CFAP299: variants seen among roughly 807,000 people sequenced by gnomAD.
The protein encoded by CFAP299 is cilia and flagella associated protein 299.
In CFAP299, 21 loss-of-function variants were observed where a neutral mutation model predicts 27.0. The ratio of observed to expected loss-of-function variants is 0.78; its 90% CI spans 0.55 to 1.12. The LOEUF is 1.12. CFAP299 is among the 50% of genes most tolerant of loss of function. The pLI, the probability that CFAP299 is intolerant of heterozygous loss-of-function variation, is 0.00. For missense variants in CFAP299, 310 were observed against 276.6 expected (o/e 1.12, Z -0.86); for synonymous variants, 104 against 98.1 (o/e 1.06, Z -0.36).
intron 3 of CFAP299, among the ~76,000 whole-genome samples, chr4:80,727,652 A>C (rs951176719): frequency 6.6e-6 from 1 of 152,074 alleles, no homozygotes; most frequent in Admixed American, 6.6e-5. Flanking sequence ...AGCATAAAAT[A>C]CTGTCATTTA....
chr4:80,584,299 C>T (rs1736322181), intron 3 of CFAP299, among the ~76,000 whole-genome samples: 1 of 151,888 alleles, frequency 6.6e-6, no homozygotes, highest in Admixed American at 6.6e-5. Context: ...AAGACTAGGA[C>T]ATAATTTAAT....
chr4:80,379,054 G>A lies in CFAP299; in HGVS notation c.242+16170G>A, dbSNP rs1423511973. Among the ~76,000 whole-genome samples, 4 of 152,152 alleles carry A rather than the reference G, an allele frequency of 2.6e-5. No homozygotes were observed. The East Asian group carries it at 7.7e-4, about 29-fold the overall frequency. ...TAATTGATTGGTAGAGTTCACCAGT[G>A]AAGCCTTCTACCACTGGAGTTTTCT... is the stretch of plus-strand genomic sequence containing the variant. On this transcript the variant is annotated intron_variant, in intron 2 of 5. Transcript: ENST00000358105.
chr4:80,622,628 G>A (rs1038528), intron 3 of CFAP299, among the ~76,000 whole-genome samples: 142,666 of 152,262 alleles, frequency 0.94, 66,885 homozygotes, highest in East Asian at 1. Flanking sequence ...TAGCAAAATG[G>A]GTTTATATTT....
In CFAP299 at chr4:80,422,195, T is replaced by C. The variant is rs567239109; in HGVS notation, c.242+59311T>C. Among the ~76,000 whole-genome samples, 342 of 152,284 alleles carry C rather than the reference T, an allele frequency of 2.2e-3. 4 individuals carry two copies. Among genetic ancestry groups the C allele is most frequent in the African/African-American group, 8.0e-3 (333 of 41,550 alleles). On this transcript the variant is annotated intron_variant, in intron 2 of 5. Coordinates refer to ENST00000358105, the MANE Select transcript of CFAP299 (RefSeq NM_152770.3). ...ATTCCACTAAGTCTCTACTTACAAC[T>C]ATACACCATAGTTCAGCTATTCACC... is the stretch of plus-strand genomic sequence containing the variant.
At chr4:80,504,460 C>CATATAT (rs1731895806) in intron 2 of CFAP299, among the ~76,000 whole-genome samples, 3 of 44,316 alleles carry the variant, frequency 6.8e-5, no homozygotes, top group African/African-American at 7.2e-5. Flanking sequence ...CTTAAAATCT[C>CATATAT]ACATATATAT....
At chr4:80,661,325 CAAA>C (rs760056982) in intron 3 of CFAP299, among the ~76,000 whole-genome samples, 3 of 62,950 alleles carry the variant, frequency 4.8e-5, no homozygotes. Context: ...AACTCCATCT[CAAA>C]AAAAAAAAAA....
intron 4 of CFAP299, among the ~76,000 whole-genome samples, chr4:80,902,584 T>TACACACACACAC (rs1273685186): frequency 6.4e-5 from 3 of 47,108 alleles, no homozygotes; most frequent in African/African-American, 1.6e-4. Context: ...ATATGTAATA[T>TACACACACACAC]ATACACACAC....
At chr4:80,798,238 T>C (rs1277166876) in intron 3 of CFAP299, among the ~76,000 whole-genome samples, 2 of 152,044 alleles carry the variant, frequency 1.3e-5, no homozygotes, top group African/African-American at 4.8e-5. Context: ...GAATCAACAT[T>C]ATCTTGCCTG....
chr4:80,889,453 C>T lies in CFAP299; in HGVS notation c.476+19318C>T, dbSNP rs183934747. ...GAAGAAATCCAAAACCTCAATAGAC[C>T]GATAATAAGTAACAAGATTGAAGGT... On this transcript the variant is annotated intron_variant, in intron 4 of 5. Coordinates refer to ENST00000358105, the MANE Select transcript of CFAP299 (RefSeq NM_152770.3). Among the ~76,000 whole-genome samples the T allele has an allele frequency of 3.4e-4, 51 of 151,728 alleles. 1 individual carries two copies. The highest frequency in any genetic ancestry group is 2.1e-4 in the South Asian group (1 of 4,796).
intron 3 of CFAP299, among the ~76,000 whole-genome samples, chr4:80,862,094 G>A (rs757940105): frequency 7.9e-5 from 12 of 152,228 alleles, no homozygotes; most frequent in Middle Eastern, 3.4e-3. Flanking sequence ...ATTTAGTCAG[G>A]TGCAGTGGTT....
At chr4:80,671,907 G>A (rs1741507855) in intron 3 of CFAP299, among the ~76,000 whole-genome samples, 1 of 152,130 alleles carries the variant, frequency 6.6e-6, no homozygotes, top group South Asian at 2.1e-4. Flanking sequence ...TGAGATGATG[G>A]GGTTTTCTAA....
intron 4 of CFAP299, among the ~76,000 whole-genome samples, chr4:80,941,573 C>T (rs146904743): frequency 6.6e-6 from 1 of 152,092 alleles, no homozygotes; most frequent in African/African-American, 2.4e-5. Context: ...TCTCCAAAGT[C>T]CAAATATCTT....
chr4:80,949,304 A>G (rs1737642276), intron 5 of CFAP299, among the ~76,000 whole-genome samples: 1 of 152,170 alleles, frequency 6.6e-6, no homozygotes. Flanking sequence ...TAACTGCAGT[A>G]TAATGCAGAA....
intron 3 of CFAP299, among the ~76,000 whole-genome samples, chr4:80,704,734 A>G (rs1476559602): frequency 1.3e-5 from 2 of 151,836 alleles, no homozygotes; most frequent in Non-Finnish European, 2.9e-5. Flanking sequence ...AATCTAATAT[A>G]ATACCAGCTC....
intron 2 of CFAP299, among the ~76,000 whole-genome samples, chr4:80,409,760 A>C (rs1726618190): frequency 6.6e-6 from 1 of 152,230 alleles, no homozygotes; most frequent in South Asian, 2.1e-4. Flanking sequence ...CTTGGACAAA[A>C]GTATCACAGA....
chr4:80,798,268 C>T (rs1727985671), intron 3 of CFAP299, among the ~76,000 whole-genome samples: 1 of 151,982 alleles, frequency 6.6e-6, no homozygotes, highest in African/African-American at 2.4e-5. Context: ...TCAGGGGAGG[C>T]CATCACTGTT....
intron 4 of CFAP299, among the ~76,000 whole-genome samples, chr4:80,917,751 CA>C (rs916599439): frequency 1.3e-5 from 2 of 152,088 alleles, no homozygotes; most frequent in African/African-American, 4.8e-5. Context: ...AAAAACACAA[CA>C]AATTATTTTT....
chr4:80,390,724 C>CATGTATAT (rs1193647920), intron 2 of CFAP299, among the ~76,000 whole-genome samples: 1 of 119,246 alleles, frequency 8.4e-6, no homozygotes, highest in Non-Finnish European at 1.7e-5. Flanking sequence ...TACACACATA[C>CATGTATAT]ATGTATATAT....
intron 2 of CFAP299, among the ~76,000 whole-genome samples, chr4:80,467,989 C>T (rs1428344742): frequency 1.3e-5 from 2 of 152,164 alleles, no homozygotes; most frequent in African/African-American, 4.8e-5. Context: ...TCAAGTCCTT[C>T]TCTTGACCTG....
Sources: gnomAD v4.1 joint callset for allele counts (sites outside exome capture counted in the v4.1 genomes callset) on GRCh38, gnomAD v4.1.1 for gene constraint, MANE v1.5 for transcripts, NCBI Gene and HGNC (gene_info 2026-07-23, HGNC 2026-07-21) for gene names.